APOBEC2: variants seen among roughly 807,000 people sequenced by gnomAD.
APOBEC2 encodes the protein apolipoprotein B mRNA editing enzyme catalytic subunit 2, also known as C->U-editing enzyme APOBEC-2.
In APOBEC2, 14 loss-of-function variants were observed where a neutral mutation model predicts 19.4. That is an observed-to-expected ratio of 0.72 (90% CI 0.48 to 1.13). APOBEC2 has a LOEUF of 1.13. APOBEC2 is among the 50% of genes most tolerant of loss of function. The pLI is 0.00. For synonymous variants in APOBEC2, 127 were observed against 112.1 expected (o/e 1.13, Z -0.84); for missense variants, 304 against 277.0 (o/e 1.10, Z -0.69).
At chr6:41,063,558 A>G (rs1762908104) in intron 2 of APOBEC2, among the ~76,000 whole-genome samples, 1 of 35,022 alleles carries the variant, frequency 2.9e-5, no homozygotes, top group Non-Finnish European at 5.7e-5. Flanking sequence ...TTTTTTTTTC[A>G]GTGATTTCAA....
chr6:41,058,152 CA>C (rs1389928998), intron 1 of APOBEC2, among the ~76,000 whole-genome samples: 29 of 65,502 alleles, frequency 4.4e-4, no homozygotes, highest in African/African-American at 1.8e-3. Flanking sequence ...CACCCCACCC[CA>C]CACACACACA....
At chr6:41,057,931 T>G (rs922395044) in intron 1 of APOBEC2, among the ~76,000 whole-genome samples, 4 of 152,168 alleles carry the variant, frequency 2.6e-5, no homozygotes, top group Non-Finnish European at 5.9e-5. Context: ...CCAAGTGAAC[T>G]GAAATGTCCA....
Position 41,064,225 on chromosome 6 carries a change from T to C in APOBEC2, c.*146T>C, listed in dbSNP as rs759531395. On this transcript the variant is annotated 3_prime_UTR_variant, in exon 3 of 3. Coordinates refer to ENST00000244669, the MANE Select transcript of APOBEC2 (RefSeq NM_006789.4). The stretch of plus-strand genomic sequence containing the variant: ...AACCAATCATACTGGACAAGGCCCT[T>C]AGAGGACTTGAAATATACTTCTCAT... 6.6e-6 allele frequency: 1 copy of C among 152,542 alleles called. No individual in the cohort carries two copies. Among genetic ancestry groups the C allele is most frequent in the African/African-American group, 2.4e-5 (1 of 41,388 alleles). 9.4% of individuals were successfully genotyped at this position (152,542 alleles called of 1,614,324 possible). A position where few individuals can be genotyped will look rare whatever the true frequency, so the allele number is the denominator to read the frequency against.
At chr6:41,058,187 AC>A (rs1762821412) in intron 1 of APOBEC2, among the ~76,000 whole-genome samples, 3 of 126,570 alleles carry the variant, frequency 2.4e-5, no homozygotes, top group Non-Finnish European at 5.1e-5. Context: ...ACACACACAC[AC>A]GTTTCTACGC....
At chr6:41,063,519 A>G (rs964982099) in intron 2 of APOBEC2, among the ~76,000 whole-genome samples, 4 of 139,132 alleles carry the variant, frequency 2.9e-5, no homozygotes, top group African/African-American at 5.2e-5. Flanking sequence ...GTGCCTAACT[A>G]GCAAGTCCTT....
At chr6:41,058,066 A>G (rs2114027463) in intron 1 of APOBEC2, among the ~76,000 whole-genome samples, 1 of 152,046 alleles carries the variant, frequency 6.6e-6, no homozygotes, top group African/African-American at 2.4e-5. Context: ...GTAGGTTTCT[A>G]CGCATGAGGA....
rs140244309 is a variant in APOBEC2, at chr6:41,056,673, T to C, written c.131+3195T>C. ...TTCCCCTGTTAGTATTTAACCTCTA[T>C]GAGGACAGCACTTTGTCTTTTTCAC... On this transcript the variant is annotated intron_variant, in intron 1 of 2. Coordinates refer to ENST00000244669, the MANE Select transcript of APOBEC2 (RefSeq NM_006789.4). Among the ~76,000 whole-genome samples the C allele has an allele frequency of 2.6e-5, 4 of 152,374 alleles. No homozygotes were observed. The East Asian group carries it at 7.7e-4, about 29-fold the overall frequency.
chr6:41,058,153 A>C (rs1401035818), intron 1 of APOBEC2, among the ~76,000 whole-genome samples: 267 of 83,034 alleles, frequency 3.2e-3, no homozygotes, highest in African/African-American at 0.021. Flanking sequence ...ACCCCACCCC[A>C]CACACACACA....
In APOBEC2 at chr6:41,061,824, G is replaced by A; in HGVS notation, c.628G>A (p.Glu210Lys). 1 of 1,614,188 alleles carries A rather than the reference G, an allele frequency of 6.2e-7. No homozygotes were observed. The highest frequency in any genetic ancestry group is 8.5e-7 in the Non-Finnish European group (1 of 1,180,032). The change falls in exon 2 of 3, where the codon GAG becomes AAG. Residue 210 changes from glutamate to lysine, a missense_variant. Glu to Lys is a moderately conservative substitution (Grantham distance 56). Coordinates refer to ENST00000244669, the MANE Select transcript of APOBEC2 (RefSeq NM_006789.4). ...KAFQPWEDIQ[E>K]NFLYYEEKLA... ...CTTTCAGCCCTGGGAGGACATTCAG[G>A]AGAACTTCCTATACTACGAGGAGAA... is the stretch of plus-strand genomic sequence containing the variant.
chr6:41,060,556 C>G (rs1275161691), intron 1 of APOBEC2, among the ~76,000 whole-genome samples: 1 of 152,178 alleles, frequency 6.6e-6, no homozygotes, highest in African/African-American at 2.4e-5. Flanking sequence ...GGGCAGAGAC[C>G]AAGTCCTTTA....
rs1217142266 is a variant in APOBEC2, at chr6:41,062,008, T to G, written c.*21+116T>G. 5 of 1,020,798 alleles carry G rather than the reference T, an allele frequency of 4.9e-6. No homozygotes were observed. In the African/African-American group the frequency reaches 8.1e-5, roughly 16 times the overall value. 63.2% of individuals were successfully genotyped at this position (1,020,798 alleles called of 1,614,324 possible). On this transcript the variant is annotated intron_variant, in intron 2 of 2. Coordinates refer to ENST00000244669, the MANE Select transcript of APOBEC2 (RefSeq NM_006789.4). ...TTTTCCTTTGGAAGGGTTTCATTTC[T>G]CTGCTTTTGACTGGTTGCAAAAATA... is the stretch of plus-strand genomic sequence containing the variant.
chr6:41,054,144 T>C (rs989854324), intron 1 of APOBEC2, among the ~76,000 whole-genome samples: 1 of 152,206 alleles, frequency 6.6e-6, no homozygotes, highest in African/African-American at 2.4e-5. Context: ...CTGGAGGAAC[T>C]GGGACCCAAA....
At chr6:41,060,223 G>A (rs1382184741) in intron 1 of APOBEC2, among the ~76,000 whole-genome samples, 2 of 151,880 alleles carry the variant, frequency 1.3e-5, no homozygotes, top group African/African-American at 4.8e-5. Context: ...CTCCTCAAAG[G>A]CACCCACACA....
chr6:41,059,173 C>T (rs918730745), intron 1 of APOBEC2, among the ~76,000 whole-genome samples: 11 of 152,230 alleles, frequency 7.2e-5, no homozygotes, highest in African/African-American at 2.7e-4. Context: ...ATACTTTCAG[C>T]TGAGCTATAG....
chr6:41,058,409 A>ACACACACACT (rs1396677176), intron 1 of APOBEC2, among the ~76,000 whole-genome samples: 2 of 149,962 alleles, frequency 1.3e-5, no homozygotes, highest in Non-Finnish European at 3.0e-5. Flanking sequence ...CCACACACAC[A>ACACACACACT]CACACACACA....
intron 1 of APOBEC2, among the ~76,000 whole-genome samples, chr6:41,058,151 CCACACACACA>C (rs375076306): frequency 8.7e-5 from 6 of 69,076 alleles, no homozygotes; most frequent in East Asian, 8.7e-4. Context: ...CCACCCCACC[CCACACACACA>C]CACACACACA....
In APOBEC2 at chr6:41,061,774, A is replaced by G; in HGVS notation, c.578A>G (p.Glu193Gly). 1 of 1,614,224 alleles carries G rather than the reference A, an allele frequency of 6.2e-7. No individual in the cohort carries two copies. Among genetic ancestry groups the G allele is most frequent in the Non-Finnish European group, 8.5e-7 (1 of 1,180,046 alleles). Residue 193 changes from glutamate (E) to glycine (G), a missense_variant, in exon 2 of 3, where the codon GAG becomes GGG. Coordinates refer to ENST00000244669, the MANE Select transcript of APOBEC2 (RefSeq NM_006789.4). ...DFEYVWQNFV[E>G]QEEGESKAFQ... is the part of the protein sequence containing the mutation. ...GAATATGTCTGGCAGAATTTTGTGG[A>G]GCAAGAAGAGGGTGAATCCAAGGCC...
chr6:41,056,430 G>A (rs1762796067), intron 1 of APOBEC2, among the ~76,000 whole-genome samples: 1 of 152,202 alleles, frequency 6.6e-6, no homozygotes, highest in Non-Finnish European at 1.5e-5. Context: ...CTAGCTTTGA[G>A]TGTCTACTGT....
intron 1 of APOBEC2, 128 bp downstream of exon 1, chr6:41,053,606 C>T (rs1762758052): frequency 3.6e-6 from 5 of 1,397,840 alleles, no homozygotes; most frequent in Non-Finnish European, 4.8e-6. Context: ...TGAGAGTGCA[C>T]CAGTGGGCCC....
Sources: gnomAD v4.1 joint callset for allele counts (sites outside exome capture counted in the v4.1 genomes callset) on GRCh38, gnomAD v4.1.1 for gene constraint, MANE v1.5 for transcripts, NCBI Gene and HGNC (gene_info 2026-07-23, HGNC 2026-07-21) for gene names.